Variants in PRELID2 observed in about 807,000 individuals in gnomAD.
The protein encoded by PRELID2 is PRELI domain containing 2.
Under a neutral mutation model 28.4 loss-of-function variants are expected in PRELID2, and 25 were observed. That is an observed-to-expected ratio of 0.88 (90% CI 0.64 to 1.23). PRELID2 has a LOEUF of 1.23. Ranked by LOEUF, PRELID2 falls within the 50% of genes most tolerant of loss-of-function variation. The probability of loss-of-function intolerance (pLI) is 0.00; values close to 1 mark genes in which losing one functional copy is unlikely to be tolerated. For missense variants in PRELID2, 201 were observed against 214.4 expected (o/e 0.94, Z 0.39); for synonymous variants, 76 against 71.6 (o/e 1.06, Z -0.31).
At chr5:145,781,918 T>G (rs1164210984) in intron 5 of PRELID2, among the ~76,000 whole-genome samples, 1 of 151,826 alleles carries the variant, frequency 6.6e-6, no homozygotes, top group Non-Finnish European at 1.5e-5. Context: ...TGGCCACAAA[T>G]TCCTATTTTC....
the PRELID2 span, among the ~76,000 whole-genome samples, chr5:145,441,781 A>C: frequency 6.6e-6 from 1 of 151,994 alleles, no homozygotes; most frequent in Non-Finnish European, 1.5e-5. Context: ...TAGCATTTTG[A>C]GGTAGGGCTT....
the PRELID2 span, among the ~76,000 whole-genome samples, chr5:145,285,518 G>A: frequency 6.6e-6 from 1 of 152,072 alleles, no homozygotes; most frequent in Non-Finnish European, 1.5e-5. Context: ...GAACTACTCT[G>A]GTCTGTGGTA....
chr5:145,674,672 A>G (rs182405855), intron 1 of PRELID2, among the ~76,000 whole-genome samples: 1 of 152,270 alleles, frequency 6.6e-6, no homozygotes, highest in Admixed American at 6.5e-5. Flanking sequence ...GGCCAGGCAC[A>G]GTGGCTCATG....
At chr5:145,341,077 G>A in the PRELID2 span, among the ~76,000 whole-genome samples, 1 of 151,430 alleles carries the variant, frequency 6.6e-6, no homozygotes, top group African/African-American at 2.4e-5. Flanking sequence ...TACCTAACCA[G>A]CAATATATAT....
chr5:145,453,321 A>G, the PRELID2 span, among the ~76,000 whole-genome samples: 41 of 152,250 alleles, frequency 2.7e-4, no homozygotes, highest in African/African-American at 9.9e-4. Context: ...ATTAAATGAG[A>G]CTATTGATTC....
the PRELID2 span, among the ~76,000 whole-genome samples, chr5:145,378,333 C>T: frequency 6.6e-6 from 1 of 152,144 alleles, no homozygotes; most frequent in African/African-American, 2.4e-5. Context: ...GTTGGGCTCT[C>T]TATCTAGGTT....
At chr5:145,499,988 G>C (rs1752345536) in intron 1 of PRELID2, among the ~76,000 whole-genome samples, 1 of 152,152 alleles carries the variant, frequency 6.6e-6, no homozygotes, top group Non-Finnish European at 1.5e-5. Context: ...TTGGTGCTTT[G>C]AGCTAGTCAT....
At chr5:145,685,414 T>G (rs1300856923) in intron 1 of PRELID2, among the ~76,000 whole-genome samples, 1 of 152,176 alleles carries the variant, frequency 6.6e-6, no homozygotes, top group East Asian at 1.9e-4. Flanking sequence ...TAGAGCCCAG[T>G]TTCTACCCTA....
chr5:145,631,691 G>T (rs1168456893), intron 1 of PRELID2, among the ~76,000 whole-genome samples: 3 of 152,176 alleles, frequency 2.0e-5, no homozygotes, highest in Middle Eastern at 3.4e-3. Context: ...ATAAACATTT[G>T]TCAATGAACG....
chr5:145,297,116 C>A, the PRELID2 span, among the ~76,000 whole-genome samples: 1 of 151,846 alleles, frequency 6.6e-6, no homozygotes, highest in Non-Finnish European at 1.5e-5. Flanking sequence ...GAGTAGGTTG[C>A]GAAAATTTTC....
the PRELID2 span, among the ~76,000 whole-genome samples, chr5:145,364,249 C>T: frequency 1.3e-5 from 2 of 151,938 alleles, no homozygotes; most frequent in Non-Finnish European, 1.5e-5. Context: ...TCTCTGTCCA[C>T]AGTGCCTTTA....
intron 1 of PRELID2, among the ~76,000 whole-genome samples, chr5:145,500,332 G>A (rs945480802): frequency 6.6e-5 from 10 of 151,954 alleles, no homozygotes; most frequent in African/African-American, 2.2e-4. Flanking sequence ...CATGTAAGAC[G>A]TGCCTCCTTC....
intron 5 of PRELID2, among the ~76,000 whole-genome samples, chr5:145,770,377 A>G (rs1897545): frequency 0.76 from 115,166 of 151,912 alleles, 45,443 homozygotes; most frequent in East Asian, 0.9. Context: ...TTAATTAGCC[A>G]GTTGCAGTGA....
At chr5:145,439,406 A>T in the PRELID2 span, among the ~76,000 whole-genome samples, 1 of 152,064 alleles carries the variant, frequency 6.6e-6, no homozygotes, top group Non-Finnish European at 1.5e-5. Context: ...AGTCAGCTTC[A>T]TTTATTTATT....
At chr5:145,474,379 G>T (rs907688191) in intron 1 of PRELID2, among the ~76,000 whole-genome samples, 2 of 152,192 alleles carry the variant, frequency 1.3e-5, no homozygotes, top group African/African-American at 4.8e-5. Context: ...CCCAGGCACT[G>T]ATCCCTGAAA....
chr5:145,281,591 C>T, the PRELID2 span, among the ~76,000 whole-genome samples: 3 of 152,280 alleles, frequency 2.0e-5, no homozygotes, highest in East Asian at 3.9e-4. Context: ...ATGACAACAC[C>T]GTCAAAGAAA....
chr5:145,667,227 C>T (rs917777335), intron 1 of PRELID2, among the ~76,000 whole-genome samples: 1 of 151,840 alleles, frequency 6.6e-6, no homozygotes. Context: ...ATATTTTTTT[C>T]TTCTGGAACT....
chr5:145,767,013 G>C (rs940056058), intron 5 of PRELID2, among the ~76,000 whole-genome samples: 1 of 151,994 alleles, frequency 6.6e-6, no homozygotes, highest in South Asian at 2.1e-4. Flanking sequence ...GGTAGAAAAG[G>C]GCAGTCCCTG....
chr5:145,598,102 G>A (rs1753336635), intron 1 of PRELID2, among the ~76,000 whole-genome samples: 1 of 152,056 alleles, frequency 6.6e-6, no homozygotes, highest in African/African-American at 2.4e-5. Flanking sequence ...GCTTTCAATA[G>A]ACAAAGTGAA....
Sources: gnomAD v4.1 joint callset for allele counts (sites outside exome capture counted in the v4.1 genomes callset) on GRCh38, gnomAD v4.1.1 for gene constraint, MANE v1.5 for transcripts, NCBI Gene and HGNC (gene_info 2026-07-23, HGNC 2026-07-21) for gene names.